Variants in SLC16A12 observed in about 807,000 individuals in gnomAD.
SLC16A12 encodes the protein solute carrier family 16 member 12.
SLC16A12 carries 17 observed loss-of-function variants against 42.4 expected under a neutral mutation model. The ratio of observed to expected loss-of-function variants is 0.40; its 90% CI spans 0.27 to 0.60. The LOEUF is 0.60. Among genes scored for constraint, SLC16A12 ranks in the 20% least tolerant of loss-of-function variants. SLC16A12 has a pLI of 0.42. For synonymous variants in SLC16A12, 224 were observed against 229.4 expected (o/e 0.98, Z 0.21); for missense variants, 544 against 623.0 (o/e 0.87, Z 1.35).
At chr10:89,544,569 A>G (rs974107233) in intron 2 of SLC16A12, among the ~76,000 whole-genome samples, 1 of 152,218 alleles carries the variant, frequency 6.6e-6, no homozygotes, top group African/African-American at 2.4e-5. Flanking sequence ...CTCCAAATTA[A>G]ATTTAAATAC....
intron 2 of SLC16A12, among the ~76,000 whole-genome samples, chr10:89,468,753 C>G (rs1377546440): frequency 6.6e-6 from 1 of 152,144 alleles, no homozygotes; most frequent in East Asian, 1.9e-4. Flanking sequence ...TGCAATTCTC[C>G]CACAACATTA....
At chr10:89,529,957 A>C (rs1843518222) in intron 2 of SLC16A12, among the ~76,000 whole-genome samples, 2 of 152,232 alleles carry the variant, frequency 1.3e-5, no homozygotes, top group Admixed American at 6.5e-5. Flanking sequence ...GGGTACCCTC[A>C]GAAATGGAAA....
At chr10:89,506,385 GCAATATTTGCTGTT>G (rs1843061995) in intron 2 of SLC16A12, among the ~76,000 whole-genome samples, 1 of 152,198 alleles carries the variant, frequency 6.6e-6, no homozygotes, top group African/African-American at 2.4e-5. Context: ...GGATCAGGCA[GCAATATTTGCTGTT>G]CCGCAGCCTC....
At position 89,432,838 on chromosome 10, in the gene SLC16A12, C is replaced by A. The variant is rs995685428; in HGVS notation, c.*226G>T. 9.3e-6 allele frequency: 5 copies of A among 539,596 alleles called. No individual in the cohort carries two copies. Among genetic ancestry groups the A allele is most frequent in the Non-Finnish European group, 1.6e-5 (5 of 313,138 alleles). The allele number at this position is 539,596 out of a possible 1,614,324, so 33.4% of individuals were successfully genotyped here. A position where few individuals can be genotyped will look rare whatever the true frequency, so the allele number is the denominator to read the frequency against. On this transcript the variant is annotated 3_prime_UTR_variant, in exon 8 of 8. Coordinates refer to ENST00000371790, the MANE Select transcript of SLC16A12 (RefSeq NM_213606.4). The stretch of plus-strand genomic sequence containing the variant: ...AGCTATGCCCATTGACCAAAAGATA[C>A]GAGTTCAGTTATGAGCACAAATCCC...
chr10:89,483,758 A>AC lies in SLC16A12; in HGVS notation c.-46-21135_-46-21134insG, dbSNP rs1564584831. On this transcript the variant is annotated intron_variant, in intron 2 of 7. Transcript: ENST00000371790. ...GCCTCTAAAAAAAAAAAAAAACAAA[A>AC]AAAAAAAAACGGAAGAAGAAAATCC... Among the ~76,000 whole-genome samples the AC allele has an allele frequency of 3.1e-4, 47 of 151,258 alleles. No individual in the cohort carries two copies. In the East Asian group the frequency reaches 8.6e-3, roughly 28 times the overall value.
chr10:89,491,675 T>C (rs1423199299), intron 2 of SLC16A12, among the ~76,000 whole-genome samples: 1 of 152,192 alleles, frequency 6.6e-6, no homozygotes, highest in Non-Finnish European at 1.5e-5. Flanking sequence ...TCTAAGTTTT[T>C]ATCATGTGTG....
intron 3 of SLC16A12, among the ~76,000 whole-genome samples, chr10:89,459,924 A>G (rs1554827506): frequency 6.6e-6 from 1 of 152,226 alleles, no homozygotes; most frequent in Non-Finnish European, 1.5e-5. Context: ...CTGGGCAATA[A>G]GAGTGAAACT....
At chr10:89,530,782 G>A (rs1427568267) in intron 2 of SLC16A12, among the ~76,000 whole-genome samples, 1 of 152,028 alleles carries the variant, frequency 6.6e-6, no homozygotes, top group Non-Finnish European at 1.5e-5. Flanking sequence ...CCAGAACATA[G>A]CCGTCACCCC....
intron 3 of SLC16A12, among the ~76,000 whole-genome samples, chr10:89,444,269 A>G (rs777793039): frequency 2.1e-4 from 32 of 152,260 alleles, no homozygotes; most frequent in Non-Finnish European, 3.8e-4. Context: ...ATCAGGTGAT[A>G]TTGATGATAG....
rs778025512 is a variant in SLC16A12, at chr10:89,436,152, G to A, written c.1196C>T (p.Thr399Ile). The A allele has an allele frequency of 6.2e-7, 1 of 1,614,138 alleles. No individual in the cohort carries two copies. Among genetic ancestry groups the A allele is most frequent in the South Asian group, 1.1e-5 (1 of 91,068 alleles). ...CAAAGAGGTGGTCCCCACTATCTCT[G>A]TGGTCACTACTGGGATCAAAGTCAC... ...AYVTLIPVVT[T>I]EIVGTTSLSS... The change falls in exon 7 of 8, where the codon ACA becomes ATA. Residue 399 changes from threonine (T) to isoleucine (I), a missense_variant. Thr to Ile is a moderately conservative substitution (Grantham distance 89). Transcript: ENST00000371790.
Position 89,439,165 on chromosome 10 carries a change from C to A in SLC16A12, c.467G>T (p.Cys156Phe). The A allele has an allele frequency of 6.2e-7, 1 of 1,614,140 alleles. No individual in the cohort carries two copies. Among genetic ancestry groups the A allele is most frequent in the South Asian group, 1.1e-5 (1 of 91,068 alleles). The change falls in exon 6 of 8, where the codon TGT (cysteine) becomes TTT (phenylalanine). Residue 156 changes from cysteine to phenylalanine, a missense_variant. By Grantham distance (205) the Cys-to-Phe change is radical. Coordinates refer to ENST00000371790, the MANE Select transcript of SLC16A12 (RefSeq NM_213606.4). The part of the protein sequence containing the change: ...GVLTGLGFAL[C>F]YSPAIAMVGK... Reference sequence around the variant, plus strand: ...AACCATGGCAATAGCTGGAGAGTAACAAAGTGCAAATCCAAGACCTGAGGA... The same window carrying A: ...AACCATGGCAATAGCTGGAGAGTAAAAAAGTGCAAATCCAAGACCTGAGGA...
chr10:89,494,205 A>G (rs1461669639), intron 2 of SLC16A12, among the ~76,000 whole-genome samples: 2 of 152,244 alleles, frequency 1.3e-5, no homozygotes, highest in African/African-American at 4.8e-5. Flanking sequence ...CAAAAAGGAC[A>G]CGTAGCTAGT....
upstream of SLC16A12, among the ~76,000 whole-genome samples, chr10:89,540,565 G>A (rs551138412): frequency 4.7e-4 from 71 of 152,240 alleles, 1 homozygote; most frequent in South Asian, 3.5e-3. Context: ...ACGGCAGTGC[G>A]TTTCCAGTTC....
At chr10:89,549,582 T>C (rs969244199) in intron 2 of SLC16A12, among the ~76,000 whole-genome samples, 1 of 152,194 alleles carries the variant, frequency 6.6e-6, no homozygotes, top group Non-Finnish European at 1.5e-5. Context: ...AAAGAAAAAG[T>C]CACCTTAGTG....
At chr10:89,539,716 C>T (rs1843699638), upstream of SLC16A12, among the ~76,000 whole-genome samples, 1 of 152,070 alleles carries the variant, frequency 6.6e-6, no homozygotes, top group South Asian at 2.1e-4. Flanking sequence ...AAATTTTGTT[C>T]TCATGACTAA....
At chr10:89,465,399 G>A (rs1842376493) in intron 2 of SLC16A12, among the ~76,000 whole-genome samples, 1 of 152,180 alleles carries the variant, frequency 6.6e-6, no homozygotes, top group Non-Finnish European at 1.5e-5. Context: ...TATAAATGCA[G>A]TTCTTTAAAT....
intron 2 of SLC16A12, among the ~76,000 whole-genome samples, chr10:89,505,627 C>T (rs1276554852): frequency 6.6e-6 from 1 of 152,108 alleles, no homozygotes; most frequent in African/African-American, 2.4e-5. Context: ...GGGGTGCTGC[C>T]TCACCCAGGA....
chr10:89,434,129 T>A (rs1194354019), intron 7 of SLC16A12, among the ~76,000 whole-genome samples: 1 of 152,184 alleles, frequency 6.6e-6, no homozygotes, highest in Non-Finnish European at 1.5e-5. Context: ...AAAAATAGCA[T>A]GTAGAAGTTG....
At chr10:89,493,219 C>CTT (rs35163833) in intron 2 of SLC16A12, among the ~76,000 whole-genome samples, 3 of 140,592 alleles carry the variant, frequency 2.1e-5, no homozygotes, top group Admixed American at 7.1e-5. Context: ...TTTTTTCTTT[C>CTT]TTTTTTTTTT....
Sources: gnomAD v4.1 joint callset for allele counts (sites outside exome capture counted in the v4.1 genomes callset) on GRCh38, gnomAD v4.1.1 for gene constraint, MANE v1.5 for transcripts, NCBI Gene and HGNC (gene_info 2026-07-23, HGNC 2026-07-21) for gene names.